The following SEPTIN8 variants were observed in gnomAD, a reference collection of about 807,000 sequenced individuals.
The protein encoded by SEPTIN8 is septin 8.
Under a neutral mutation model 53.1 loss-of-function variants are expected in SEPTIN8, and 22 were observed. The ratio of observed to expected loss-of-function variants is 0.41; its 90% confidence interval spans 0.30 to 0.59. The LOEUF (loss-of-function observed/expected upper bound fraction) is 0.59, where lower values mean the gene tolerates loss of function less well. Ranked by LOEUF, SEPTIN8 falls within the 20% of genes least tolerant of loss-of-function variation. The pLI, the probability that SEPTIN8 is intolerant of heterozygous loss-of-function variation, is 0.24. For missense variants in SEPTIN8, 536 were observed against 638.7 expected (o/e 0.84, Z 1.73); for synonymous variants, 228 against 248.4 (o/e 0.92, Z 0.77).
rs1444065774 is a variant in SEPTIN8, at chr5:132,754,465, T to A, written c.1287-2284A>T. ...GAACTGCTGGAAGACATCTGCTGCTTAACCAGGTGGCTATGGATGTGAGCT... is the reference window on the plus strand; with the variant it reads ...GAACTGCTGGAAGACATCTGCTGCTAAACCAGGTGGCTATGGATGTGAGCT... On this transcript the variant is annotated intron_variant, in intron 9 of 9. Coordinates refer to ENST00000378719, the MANE Select transcript of SEPTIN8 (RefSeq NM_001098811.2). 4 of 717,348 alleles carry A rather than the reference T, an allele frequency of 5.6e-6. No individual in the cohort carries two copies. In the East Asian group the frequency reaches 1.1e-4, roughly 19 times the overall value. 44.4% of individuals were successfully genotyped at this position (717,348 alleles called of 1,614,324 possible).
rs1026308560 is a variant in SEPTIN8 at position 132,776,198 on chromosome 5, C to T, written c.30+910G>A. 2.0e-5 allele frequency among the ~76,000 whole-genome samples: 3 copies of T among 151,908 alleles called. No individual in the cohort carries two copies. Among genetic ancestry groups the T allele is most frequent in the Non-Finnish European group, 2.9e-5 (2 of 67,978 alleles). On this transcript the variant is annotated intron_variant, in intron 1 of 9. Coordinates refer to ENST00000378719, the MANE Select transcript of SEPTIN8 (RefSeq NM_001098811.2). This position sits in a 1 kb window ranked among gnomAD's most constrained non-coding sequence, Gnocchi z 4.4. ...TTCTCCCCCTCCTCCCCCTTCCAGC[C>T]GACCAGGGCCTTACATGCTGGCAAG... is the stretch of plus-strand genomic sequence containing the variant.
chr5:132,763,760 T>C lies in SEPTIN8; in HGVS notation c.480A>G (p.Thr160=). The C allele has an allele frequency of 6.2e-7, 1 of 1,614,206 alleles. No individual in the cohort carries two copies. Among genetic ancestry groups the C allele is most frequent in the Non-Finnish European group, 8.5e-7 (1 of 1,180,018 alleles). ...IHVCLYFITP[T]GHSLKSLDLV... is the part of the protein sequence containing the mutation. ...GATCTAGAGACTTCAGGGAGTGCCC[T>C]GTGGGCGTGATGAAGTAGAGGCAAA... is the stretch of plus-strand genomic sequence containing the variant. Residue 160 remains threonine (T), a synonymous_variant, in exon 4 of 10, where the codon ACA becomes ACG. Coordinates refer to ENST00000378719, the MANE Select transcript of SEPTIN8 (RefSeq NM_001098811.2).
chr5:132,760,669 G>A lies in SEPTIN8; in HGVS notation c.1286+133C>T, dbSNP rs143726772. ...GAAAGCTGGGGGGAGAGCCACTGAAGATGAGGGAAAACCAAACAGGAAAGG... is the reference window on the plus strand; with the variant it reads ...GAAAGCTGGGGGGAGAGCCACTGAAAATGAGGGAAAACCAAACAGGAAAGG... On this transcript the variant is annotated intron_variant, in intron 9 of 9. Coordinates refer to ENST00000378719, the MANE Select transcript of SEPTIN8 (RefSeq NM_001098811.2). The surrounding 1 kb of genome is among the most constrained non-coding windows in gnomAD (Gnocchi z 5.2). The A allele has an allele frequency of 8.5e-6, 7 of 827,776 alleles. 1 individual carries two copies. In the African/African-American group the frequency reaches 1.0e-4, roughly 12 times the overall value. The allele number at this position is 827,776 out of a possible 1,614,324, so 51.3% of individuals were successfully genotyped here.
In SEPTIN8 at chr5:132,751,914, A is replaced by G. The variant is rs1301305198; in HGVS notation, c.*102T>C. On this transcript the variant is annotated 3_prime_UTR_variant, in exon 10 of 10. Transcript: ENST00000378719. ...ATTGTTTGCACTTTTGATCATTGATATAGGAAAAGTATGGCGTTTTCTGTT... is the reference window on the plus strand; with the variant it reads ...ATTGTTTGCACTTTTGATCATTGATGTAGGAAAAGTATGGCGTTTTCTGTT... 1 of 1,540,810 alleles carries G rather than the reference A, an allele frequency of 6.5e-7. No individual in the cohort carries two copies. Among genetic ancestry groups the G allele is most frequent in the Non-Finnish European group, 8.8e-7 (1 of 1,137,054 alleles).
At chr5:132,758,619 AGAGAGG>A in intron 9 of SEPTIN8, 1 of 1,598,774 alleles carries the variant, frequency 6.3e-7, no homozygotes, top group South Asian at 1.1e-5. Context: ...GTGTTTGCAT[AGAGAGG>A]GGTGGCCCGC....
chr5:132,752,898 A>T (rs182870915), intron 9 of SEPTIN8: 4 of 1,614,094 alleles, frequency 2.5e-6, no homozygotes, highest in East Asian at 2.2e-5. Context: ...GCTGCAAGGA[A>T]CTTGTAATGC....
At chr5:132,758,704 C>A in intron 9 of SEPTIN8, 1 of 1,605,146 alleles carries the variant, frequency 6.2e-7, no homozygotes, top group Non-Finnish European at 8.5e-7. Context: ...GGAGTCTGTA[C>A]CGGCTCCCAG....
chr5:132,770,016 TATATATAC>T (rs1411344997), intron 1 of SEPTIN8, among the ~76,000 whole-genome samples: 6,332 of 59,352 alleles, frequency 0.11, 364 homozygotes, highest in Non-Finnish European at 0.13. Context: ...TATATATATA[TATATATAC>T]ACACACATAT....
intron 1 of SEPTIN8, among the ~76,000 whole-genome samples, chr5:132,766,735 C>T (rs1756641910): frequency 6.6e-6 from 1 of 152,148 alleles, no homozygotes; most frequent in Non-Finnish European, 1.5e-5. Flanking sequence ...GGGCCAGTGG[C>T]AGCCCTTGTG....
chr5:132,778,203 C>G (rs1286471698), upstream of SEPTIN8: 4 of 611,602 alleles, frequency 6.5e-6, no homozygotes, highest in African/African-American at 2.0e-5. Flanking sequence ...TCTCTCTGCT[C>G]TTTCTGGGAA....
At chr5:132,778,169 G>A (rs1377858464), upstream of SEPTIN8, 4 of 770,022 alleles carry the variant, frequency 5.2e-6, no homozygotes, top group East Asian at 5.1e-4. Context: ...CTGAAACCCC[G>A]TTTCTTTCTC....
In SEPTIN8 at chr5:132,751,645, G is replaced by A; in HGVS notation, c.*371C>T. The A allele has an allele frequency of 2.4e-6, 1 of 411,952 alleles. No individual in the cohort carries two copies. Among genetic ancestry groups the A allele is most frequent in the Non-Finnish European group, 4.3e-6 (1 of 232,482 alleles). The allele number at this position is 411,952 out of a possible 1,614,324, so 25.5% of individuals were successfully genotyped here. A position where few individuals can be genotyped will look rare whatever the true frequency, so the allele number is the denominator to read the frequency against. Reference sequence around the variant, plus strand: ...TTCGTCTTATGATAAGCAGATACAAGTAACTTTTCTGCTACCTTGGTCTTG... The same window carrying A: ...TTCGTCTTATGATAAGCAGATACAAATAACTTTTCTGCTACCTTGGTCTTG... On this transcript the variant is annotated 3_prime_UTR_variant, in exon 10 of 10. Transcript: ENST00000378719.
chr5:132,751,670 G>A lies in SEPTIN8; in HGVS notation c.*346C>T. On this transcript the variant is annotated 3_prime_UTR_variant, in exon 10 of 10. Transcript: ENST00000378719. ...GTAACTTTTCTGCTACCTTGGTCTT[G>A]AATAGTATGTTTCTATTTTTCAGAA... 2.0e-6 allele frequency: 1 copy of A among 503,482 alleles called. No individual in the cohort carries two copies. The highest frequency in any genetic ancestry group is 2.7e-5 in the South Asian group (1 of 36,930). The allele number at this position is 503,482 out of a possible 1,614,324, so 31.2% of individuals were successfully genotyped here. A position where few individuals can be genotyped will look rare whatever the true frequency, so the allele number is the denominator to read the frequency against.
chr5:132,757,867 C>T, intron 9 of SEPTIN8: 3 of 985,644 alleles, frequency 3.0e-6, no homozygotes, highest in Non-Finnish European at 3.6e-6. Flanking sequence ...CATCTCTTCA[C>T]CCTGTGACCC....
intron 1 of SEPTIN8, among the ~76,000 whole-genome samples, chr5:132,767,985 A>ACACACACACG (rs1491417775): frequency 6.7e-6 from 1 of 149,822 alleles, no homozygotes; most frequent in African/African-American, 2.5e-5. Context: ...ACACACACAC[A>ACACACACACG]CGCAGCCGCA....
At chr5:132,753,033 A>G (rs553313742) in intron 9 of SEPTIN8, 47 of 1,317,352 alleles carry the variant, frequency 3.6e-5, no homozygotes, top group Non-Finnish European at 4.8e-5. Context: ...TTGGACTACC[A>G]TGAGTTCTTT....
chr5:132,766,422 G>C (rs999070492), intron 1 of SEPTIN8, among the ~76,000 whole-genome samples: 2 of 152,206 alleles, frequency 1.3e-5, no homozygotes, highest in Non-Finnish European at 2.9e-5. Context: ...TCTATAAAAA[G>C]AAACCACGAG....
At position 132,751,151 on chromosome 5, in the gene SEPTIN8, G is replaced by A. The variant is rs957171034; in HGVS notation, c.*865C>T. ...CACAAGGCTCATGACATACGGAAGA[G>A]TGAAAAGGTATCTTAAATCCAACAC... On this transcript the variant is annotated 3_prime_UTR_variant, in exon 10 of 10. Coordinates refer to ENST00000378719, the MANE Select transcript of SEPTIN8 (RefSeq NM_001098811.2). The A allele has an allele frequency of 4.2e-6, 3 of 716,780 alleles. No homozygotes were observed. The highest frequency in any genetic ancestry group is 2.6e-5 in the South Asian group (1 of 38,218). 44.4% of individuals were successfully genotyped at this position (716,780 alleles called of 1,614,324 possible). A position where few individuals can be genotyped will look rare whatever the true frequency, so the allele number is the denominator to read the frequency against.
chr5:132,760,765 G>GC lies in SEPTIN8; in HGVS notation c.1286+36dup. The GC allele has an allele frequency of 1.3e-6, 2 of 1,588,268 alleles. No individual in the cohort carries two copies. Among genetic ancestry groups the GC allele is most frequent in the East Asian group, 4.5e-5 (2 of 44,798 alleles). ...AGAACGAAAGCAAGAGCCCACAGGA[G>GC]CAAGAGGAGCCAGCGCAGGCGCAGC... On this transcript the variant is annotated intron_variant, in intron 9 of 9. Transcript: ENST00000378719. The surrounding 1 kb of genome is among the most constrained non-coding windows in gnomAD (Gnocchi z 5.2).
Sources: gnomAD v4.1 joint callset for allele counts (sites outside exome capture counted in the v4.1 genomes callset) on GRCh38, gnomAD v4.1.1 for gene constraint, Gnocchi (gnomAD v3.1) non-coding constraint, MANE v1.5 for transcripts, NCBI Gene and HGNC (gene_info 2026-07-23, HGNC 2026-07-21) for gene names.